The following LRFN5 variants were observed in gnomAD, a reference collection of about 807,000 sequenced individuals.
LRFN5 encodes leucine rich repeat and fibronectin type III domain containing 5.
Under a neutral mutation model 45.6 loss-of-function variants are expected in LRFN5, and 24 were observed. The observed-to-expected ratio is 0.53, with a 90% CI of 0.38 to 0.74. The LOEUF (loss-of-function observed/expected upper bound fraction) is 0.74. Ranked by LOEUF, LRFN5 falls within the 30% of genes least tolerant of loss-of-function variation. LRFN5 has a pLI of 0.00. For missense variants in LRFN5, 776 were observed against 861.5 expected, an observed-to-expected ratio of 0.90 and a Z score of 1.24; for synonymous variants, 340 against 313.8, an observed-to-expected ratio of 1.08 and a Z score of -0.88.
At chr14:41,801,436 C>A (rs2138969027) in intron 2 of LRFN5, among the ~76,000 whole-genome samples, 1 of 152,188 alleles carries the variant, frequency 6.6e-6, no homozygotes, top group East Asian at 1.9e-4. Flanking sequence ...AGTCATCATG[C>A]CTACCTACAA....
intron 1 of LRFN5, among the ~76,000 whole-genome samples, chr14:41,623,948 G>A (rs1888229686): frequency 6.6e-6 from 1 of 152,044 alleles, no homozygotes; most frequent in Non-Finnish European, 1.5e-5. Context: ...AGCCTGTGAA[G>A]AAAATAATGC....
At chr14:41,895,706 CTTT>C (rs1281419186) in intron 4 of LRFN5, among the ~76,000 whole-genome samples, 1 of 144,942 alleles carries the variant, frequency 6.9e-6, no homozygotes. Context: ...TTTATTTCCC[CTTT>C]TTTTTTTTTC....
intron 1 of LRFN5, among the ~76,000 whole-genome samples, chr14:41,667,070 T>C (rs1880935216): frequency 6.6e-6 from 1 of 152,198 alleles, no homozygotes; most frequent in Non-Finnish European, 1.5e-5. Flanking sequence ...GAGCAAAAGC[T>C]GTATTTAAGC....
At chr14:41,624,820 G>A (rs8009467) in intron 1 of LRFN5, among the ~76,000 whole-genome samples, 3,289 of 152,126 alleles carry the variant, frequency 0.022, 106 homozygotes, top group African/African-American at 0.072. Flanking sequence ...ATACATGCAC[G>A]TAGACATTCA....
At chr14:41,821,402 A>G (rs1433594574) in intron 2 of LRFN5, among the ~76,000 whole-genome samples, 2 of 151,862 alleles carry the variant, frequency 1.3e-5, no homozygotes. Flanking sequence ...TGATTATATG[A>G]TGCTTGTTTT....
At chr14:41,893,384 G>T in intron 4 of LRFN5, 2 of 984,538 alleles carry the variant, frequency 2.0e-6, no homozygotes, top group Non-Finnish European at 2.4e-6. Context: ...CCATCAAAGA[G>T]GTTTTATTTT....
chr14:41,777,582 A>G (rs1034139022), intron 2 of LRFN5, among the ~76,000 whole-genome samples: 2 of 151,878 alleles, frequency 1.3e-5, no homozygotes, highest in Non-Finnish European at 3.0e-5. Context: ...TATAATATCT[A>G]TGAAAATAGC....
At chr14:41,763,812 C>G (rs548178166) in intron 1 of LRFN5, among the ~76,000 whole-genome samples, 1 of 152,226 alleles carries the variant, frequency 6.6e-6, no homozygotes, top group African/African-American at 2.4e-5. Context: ...TATAAATTAC[C>G]CAGCCTCAGT....
chr14:41,635,682 T>C, intron 1 of LRFN5, among the ~76,000 whole-genome samples: 1 of 152,104 alleles, frequency 6.6e-6, no homozygotes. Flanking sequence ...TAAGGGCAGG[T>C]ATTTTAGAAT....
At chr14:41,892,122 A>C in intron 4 of LRFN5, 160 bp downstream of exon 4, 2 of 985,306 alleles carry the variant, frequency 2.0e-6, no homozygotes. Context: ...ATTCAGTCTG[A>C]CTGTTCTGAT....
chr14:41,816,978 T>C (rs1463263696), intron 2 of LRFN5, among the ~76,000 whole-genome samples: 1 of 150,430 alleles, frequency 6.6e-6, no homozygotes, highest in Admixed American at 6.7e-5. Context: ...TATTTTTGTC[T>C]AAGCTTTTTA....
chr14:41,840,126 G>A (rs1260721040), intron 2 of LRFN5, among the ~76,000 whole-genome samples: 1 of 152,034 alleles, frequency 6.6e-6, no homozygotes, highest in East Asian at 1.9e-4. Flanking sequence ...TTGTTAGACA[G>A]AATTATCCAG....
At chr14:41,634,967 A>G (rs1362661997) in intron 1 of LRFN5, among the ~76,000 whole-genome samples, 1 of 152,132 alleles carries the variant, frequency 6.6e-6, no homozygotes, top group Non-Finnish European at 1.5e-5. Context: ...TTACATTTAA[A>G]CAGTTTTATT....
At chr14:41,759,502 G>C (rs868223717) in intron 1 of LRFN5, among the ~76,000 whole-genome samples, 103 of 135,336 alleles carry the variant, frequency 7.6e-4, no homozygotes, top group Middle Eastern at 4.0e-3. Context: ...CACACACAGA[G>C]AGAGCACCAG....
chr14:41,692,057 G>T (rs558324156), intron 1 of LRFN5, among the ~76,000 whole-genome samples: 1 of 152,186 alleles, frequency 6.6e-6, no homozygotes, highest in Non-Finnish European at 1.5e-5. Flanking sequence ...CCAATCTTTA[G>T]ATGTATATAT....
intron 2 of LRFN5, among the ~76,000 whole-genome samples, chr14:41,785,323 A>G (rs187423889): frequency 6.6e-6 from 1 of 152,098 alleles, no homozygotes; most frequent in African/African-American, 2.4e-5. Context: ...TTTGTCCCCT[A>G]TATCTTTGGT....
intron 1 of LRFN5, among the ~76,000 whole-genome samples, chr14:41,722,014 G>A (rs937946123): frequency 2.6e-5 from 4 of 151,934 alleles, no homozygotes; most frequent in Admixed American, 6.6e-5. Flanking sequence ...TAATTTGTAG[G>A]TTTGGTTGCT....
At chr14:41,734,104 C>T (rs1464304933) in intron 1 of LRFN5, among the ~76,000 whole-genome samples, 2 of 141,062 alleles carry the variant, frequency 1.4e-5, no homozygotes, top group African/African-American at 5.2e-5. Flanking sequence ...CGGCTCACTG[C>T]AACCTCTGCC....
At chr14:41,881,111 G>A (rs1029313971) in intron 2 of LRFN5, among the ~76,000 whole-genome samples, 3 of 152,078 alleles carry the variant, frequency 2.0e-5, no homozygotes, top group African/African-American at 7.2e-5. Flanking sequence ...AGTTTTTGCT[G>A]TAGTTTAGGA....
Sources: gnomAD v4.1 joint callset for allele counts (sites outside exome capture counted in the v4.1 genomes callset) on GRCh38, gnomAD v4.1.1 for gene constraint, MANE v1.5 for transcripts, NCBI Gene and HGNC (gene_info 2026-07-23, HGNC 2026-07-21) for gene names.